Variants in KCNQ1 observed in about 807,000 individuals in gnomAD.
KCNQ1 encodes potassium voltage-gated channel subfamily KQT member 1.
Under a neutral mutation model 72.4 loss-of-function variants are expected in KCNQ1, and 49 were observed. The observed-to-expected ratio is 0.68, with a 90% CI of 0.54 to 0.86. The LOEUF is 0.86. KCNQ1 is among the 40% of genes least tolerant of loss of function. KCNQ1 has a pLI of 0.00. For synonymous variants in KCNQ1, 450 were observed against 412.6 expected (o/e 1.09, Z -1.10); for missense variants, 790 against 945.1 (o/e 0.84, Z 2.15).
intron 11 of KCNQ1, chr11:2,662,831 G>T: frequency 2.5e-6 from 1 of 398,854 alleles, no homozygotes. Context: ...CCTTCTGAGG[G>T]TCACTTGTGG....
intron 11 of KCNQ1, among the ~76,000 whole-genome samples, chr11:2,758,125 C>A (rs1021848909): frequency 3.3e-5 from 5 of 152,086 alleles, no homozygotes; most frequent in African/African-American, 9.7e-5. Flanking sequence ...GATAAAAATG[C>A]AAACTATAGA....
At chr11:2,580,067 T>C in intron 6 of KCNQ1, among the ~76,000 whole-genome samples, 1 of 151,058 alleles carries the variant, frequency 6.6e-6, no homozygotes, top group East Asian at 1.9e-4. Context: ...AATAATTTAA[T>C]GTTGTTATTA....
chr11:2,565,755 G>C lies in KCNQ1; in HGVS notation c.478-4873G>C, dbSNP rs149150674. Reference sequence around the variant, plus strand: ...GTGCAGTGGCATCAGCCAAGGCTCCGAGGCGTTTCTTCCCACTTCACATGT... The same window carrying C: ...GTGCAGTGGCATCAGCCAAGGCTCCCAGGCGTTTCTTCCCACTTCACATGT... On this transcript the variant is annotated intron_variant, in intron 2 of 15. Coordinates refer to ENST00000155840, the MANE Select transcript of KCNQ1 (RefSeq NM_000218.3). The surrounding 1 kb of genome is among the most constrained non-coding windows in gnomAD (Gnocchi z 5.6). Among the ~76,000 whole-genome samples, 1 of 152,210 alleles carries C rather than the reference G, an allele frequency of 6.6e-6. No individual in the cohort carries two copies. Among genetic ancestry groups the C allele is most frequent in the Non-Finnish European group, 1.5e-5 (1 of 68,042 alleles).
Position 2,661,831 on chromosome 11 carries a change from T to A in KCNQ1, c.1394-130T>A. 2.6e-6 allele frequency: 3 copies of A among 1,175,528 alleles called. No homozygotes were observed. The South Asian group carries it at 3.8e-5, about 15-fold the overall frequency. 72.8% of individuals were successfully genotyped at this position (1,175,528 alleles called of 1,614,324 possible). ...CCCCAACACCCAACTATAAAACTGATTGTCAGGGCTGGAGCTTCCAGGCAC... is the reference window on the plus strand; with the variant it reads ...CCCCAACACCCAACTATAAAACTGAATGTCAGGGCTGGAGCTTCCAGGCAC... On this transcript the variant is annotated intron_variant, in intron 10 of 15. Transcript: ENST00000155840. This position sits in a 1 kb window ranked among gnomAD's most constrained non-coding sequence, Gnocchi z 5.9.
Position 2,621,459 on chromosome 11 carries a change from G to A in KCNQ1, c.1393+32605G>A, listed in dbSNP as rs946253092. Reference sequence around the variant, plus strand: ...TCTGGACATAGGACCTTTGCCAGATGAATAGTTTGCAAATATTTTTTCTCC... The same window carrying A: ...TCTGGACATAGGACCTTTGCCAGATAAATAGTTTGCAAATATTTTTTCTCC... On this transcript the variant is annotated intron_variant, in intron 10 of 15. Coordinates refer to ENST00000155840, the MANE Select transcript of KCNQ1 (RefSeq NM_000218.3). The surrounding 1 kb of genome is among the most constrained non-coding windows in gnomAD (Gnocchi z 5.7). 7.5e-6 allele frequency: 3 copies of A among 398,536 alleles called. No individual in the cohort carries two copies. The highest frequency in any genetic ancestry group is 8.8e-6 in the Non-Finnish European group (2 of 226,052). 24.7% of individuals were successfully genotyped at this position (398,536 alleles called of 1,614,324 possible).
Position 2,781,977 on chromosome 11 carries a change from T to C in KCNQ1, c.1794+3940T>C, listed in dbSNP as rs1185129903. 6.6e-6 allele frequency among the ~76,000 whole-genome samples: 1 copy of C among 152,034 alleles called. No individual in the cohort carries two copies. The highest frequency in any genetic ancestry group is 6.5e-5 in the Admixed American group (1 of 15,268). On this transcript the variant is annotated intron_variant, in intron 15 of 15. Coordinates refer to ENST00000155840, the MANE Select transcript of KCNQ1 (RefSeq NM_000218.3). The surrounding 1 kb of genome is among the most constrained non-coding windows in gnomAD (Gnocchi z 6.6). ...CCAAAACCACACCCTGCCCATGCCT[T>C]TACCAAGCTTCGTGCATGACCCCAA... is the stretch of plus-strand genomic sequence containing the variant.
At position 2,527,937 on chromosome 11, in the gene KCNQ1, C is replaced by G; in HGVS notation, c.396C>G (p.Ile132Met). 1 of 1,614,044 alleles carries G rather than the reference C, an allele frequency of 6.2e-7. No individual in the cohort carries two copies. The highest frequency in any genetic ancestry group is 8.5e-7 in the Non-Finnish European group (1 of 1,179,952). The change falls in exon 2 of 16, where the codon ATC becomes ATG. Residue 132 changes from isoleucine (I) to methionine (M), a missense_variant. Physicochemically the swap from Ile to Met is conservative, Grantham distance 10 (BLOSUM62 1). Coordinates refer to ENST00000155840, the MANE Select transcript of KCNQ1 (RefSeq NM_000218.3). ...TGTCCCTGTCTTGCAGCTTCCTCAT[C>G]GTCCTGGTCTGCCTCATCTTCAGCG... The part of the protein sequence containing the change: ...CFVYHFAVFL[I>M]VLVCLIFSVL...
rs535012561 is a variant in KCNQ1 at position 2,783,994 on chromosome 11, T to C, written c.1794+5957T>C. 3.0e-4 allele frequency among the ~76,000 whole-genome samples: 46 copies of C among 152,172 alleles called. 1 individual carries two copies. The highest frequency in any genetic ancestry group is 1.0e-3 in the African/African-American group (42 of 41,592). On this transcript the variant is annotated intron_variant, in intron 15 of 15. Transcript: ENST00000155840. The surrounding 1 kb of genome is among the most constrained non-coding windows in gnomAD (Gnocchi z 5.2). ...CTTTTAAATCACAAAAGTTTTTAAT[T>C]TTAATGAAGTCCAATTTGTCTTTTC...
chr11:2,826,452 G>A lies in KCNQ1; in HGVS notation c.1795-21315G>A, dbSNP rs996223184. On this transcript the variant is annotated intron_variant, in intron 15 of 15. Transcript: ENST00000155840. This position sits in a 1 kb window ranked among gnomAD's most constrained non-coding sequence, Gnocchi z 4.2. ...CTGATGGAAACCGCCGTGCGGTTCC[G>A]CGCAGACAGTCACGGAAACTCAGGC... Among the ~76,000 whole-genome samples the A allele has an allele frequency of 5.9e-5, 9 of 152,238 alleles. No individual in the cohort carries two copies. Among genetic ancestry groups the A allele is most frequent in the African/African-American group, 1.2e-4 (5 of 41,474 alleles).
chr11:2,630,514 G>T (rs1849335922), intron 10 of KCNQ1: 1 of 397,878 alleles, frequency 2.5e-6, no homozygotes, highest in African/African-American at 2.1e-5. Context: ...GATGCCCCAA[G>T]GTACACCTTT....
intron 6 of KCNQ1, 103 bp downstream of exon 6, chr11:2,573,089 G>C: frequency 1.5e-6 from 2 of 1,376,232 alleles, no homozygotes; most frequent in Non-Finnish European, 9.9e-7. Context: ...CTTGGCAGGG[G>C]CTTCTCACCT....
At chr11:2,542,364 A>C (rs771869196) in intron 2 of KCNQ1, among the ~76,000 whole-genome samples, 2 of 152,228 alleles carry the variant, frequency 1.3e-5, no homozygotes, top group Non-Finnish European at 2.9e-5. Flanking sequence ...GTGCCCACCA[A>C]AGGCGCGCTA....
chr11:2,839,231 T>TCCTGCCC (rs1783173115), intron 15 of KCNQ1, among the ~76,000 whole-genome samples: 1 of 152,072 alleles, frequency 6.6e-6, no homozygotes, highest in Non-Finnish European at 1.5e-5. Context: ...CACCTGGGCC[T>TCCTGCCC]CCTGCCCAGG....
intron 11 of KCNQ1, 78 bp downstream of exon 11, chr11:2,662,159 C>A: frequency 3.8e-6 from 6 of 1,595,696 alleles, no homozygotes; most frequent in East Asian, 2.2e-5. Context: ...GCTGGGGAAG[C>A]CTTGCTCTCT....
chr11:2,739,527 C>G (rs1056169386), intron 11 of KCNQ1, among the ~76,000 whole-genome samples: 2 of 152,248 alleles, frequency 1.3e-5, no homozygotes, highest in African/African-American at 4.8e-5. Flanking sequence ...CAACATTACT[C>G]TAATGAAATA....
In KCNQ1 at chr11:2,691,126, C is replaced by G; in HGVS notation, c.1514+29045C>G. 1 of 398,672 alleles carries G rather than the reference C, an allele frequency of 2.5e-6. No homozygotes were observed. The highest frequency in any genetic ancestry group is 1.3e-4 in the South Asian group (1 of 7,860). The allele number at this position is 398,672 out of a possible 1,614,324, so 24.7% of individuals were successfully genotyped here. ...ACAGTAGGGGTGGAGGCTGTGCAGA[C>G]CTGGTGCAGAGTCTGTGCTGGCCTC... is the stretch of plus-strand genomic sequence containing the variant. On this transcript the variant is annotated intron_variant, in intron 11 of 15. Transcript: ENST00000155840. The surrounding 1 kb of genome is among the most constrained non-coding windows in gnomAD (Gnocchi z 6.4).
Position 2,642,876 on chromosome 11 carries a change from G to C in KCNQ1, c.1394-19085G>C. ...GAATGTTGTGCTTCTATTTTCACTT[G>C]TTTCAGTAAATTTTTTATTTCTGCC... On this transcript the variant is annotated intron_variant, in intron 10 of 15. Coordinates refer to ENST00000155840, the MANE Select transcript of KCNQ1 (RefSeq NM_000218.3). The surrounding 1 kb of genome is among the most constrained non-coding windows in gnomAD (Gnocchi z 4.3). 1 of 397,588 alleles carries C rather than the reference G, an allele frequency of 2.5e-6. No individual in the cohort carries two copies. The highest frequency in any genetic ancestry group is 3.6e-5 in the East Asian group (1 of 27,916). 24.6% of individuals were successfully genotyped at this position (397,588 alleles called of 1,614,324 possible). A position where few individuals can be genotyped will look rare whatever the true frequency, so the allele number is the denominator to read the frequency against.
At chr11:2,775,463 A>G (rs1189873139) in intron 12 of KCNQ1, among the ~76,000 whole-genome samples, 1 of 152,208 alleles carries the variant, frequency 6.6e-6, no homozygotes, top group Non-Finnish European at 1.5e-5. Context: ...GCCAGGAACG[A>G]TGCAGAGGAG....
chr11:2,527,167 G>A (rs1847524605), intron 1 of KCNQ1, among the ~76,000 whole-genome samples: 1 of 152,216 alleles, frequency 6.6e-6, no homozygotes, highest in South Asian at 2.1e-4. Context: ...GGGGCTCTGT[G>A]CGCCTTCCCT....
Sources: allele counts gnomAD v4.1 joint callset (sites outside exome capture counted in the v4.1 genomes callset), GRCh38; gene constraint gnomAD v4.1.1; non-coding constraint Gnocchi (gnomAD v3.1); transcripts MANE v1.5; gene names NCBI Gene and HGNC (gene_info 2026-07-23, HGNC 2026-07-21).